Variants in SKP1 observed in about 807,000 individuals in gnomAD.
The protein encoded by SKP1 is S-phase kinase-associated protein 1.
In SKP1, 1 loss-of-function variant was observed where a neutral mutation model predicts 21.5. That is an observed-to-expected ratio of 0.05 (90% CI 0.02 to 0.22). The LOEUF (loss-of-function observed/expected upper bound fraction) is 0.22, where lower values mean the gene tolerates loss of function less well. Ranked by LOEUF, SKP1 falls within the 10% of genes least tolerant of loss-of-function variation. The pLI, the probability that SKP1 is intolerant of heterozygous loss-of-function variation, is 1.00. For synonymous variants in SKP1, 59 were observed against 59.3 expected (o/e 0.99, Z 0.03); for missense variants, 70 against 192.0 (o/e 0.36, Z 3.76).
chr5:134,152,252 TG>T lies in SKP1; in HGVS notation c.*5480del, dbSNP rs1761055214. On this transcript the variant is annotated 3_prime_UTR_variant, in exon 6 of 6. Transcript: ENST00000353411. ...CACTCAAAAATTGCCCTGCCTAATG[TG>T]GGTCTGATGAATAAATGCTGATAAA... 6.6e-6 allele frequency: 1 copy of T among 152,256 alleles called. No individual in the cohort carries two copies. Among genetic ancestry groups the T allele is most frequent in the African/African-American group, 2.4e-5 (1 of 41,430 alleles). 9.4% of individuals were successfully genotyped at this position (152,256 alleles called of 1,614,324 possible).
In SKP1 at chr5:134,154,226, T is replaced by C. The variant is rs1761087493; in HGVS notation, c.*3507A>G. On this transcript the variant is annotated 3_prime_UTR_variant, in exon 6 of 6. Transcript: ENST00000353411. ...ACTTTCGGAGGCTAAGGCGGGCGGATCACAAGGTCAGGAGTTCAAGACCAG... is the reference window on the plus strand; with the variant it reads ...ACTTTCGGAGGCTAAGGCGGGCGGACCACAAGGTCAGGAGTTCAAGACCAG... 6.6e-6 allele frequency: 1 copy of C among 151,872 alleles called. No homozygotes were observed. Among genetic ancestry groups the C allele is most frequent in the East Asian group, 1.9e-4 (1 of 5,184 alleles). The allele number at this position is 151,872 out of a possible 1,614,324, so 9.4% of individuals were successfully genotyped here.
chr5:134,156,423 T>A lies in SKP1; in HGVS notation c.*1310A>T, dbSNP rs527442254. The A allele has an allele frequency of 1.3e-5, 2 of 152,084 alleles. No homozygotes were observed. Among genetic ancestry groups the A allele is most frequent in the Non-Finnish European group, 2.9e-5 (2 of 68,022 alleles). The allele number at this position is 152,084 out of a possible 1,614,324, so 9.4% of individuals were successfully genotyped here. A position where few individuals can be genotyped will look rare whatever the true frequency, so the allele number is the denominator to read the frequency against. On this transcript the variant is annotated 3_prime_UTR_variant, in exon 6 of 6. Coordinates refer to ENST00000353411, the MANE Select transcript of SKP1 (RefSeq NM_170679.3). ...AGACAACATATGGGACTTTATTAAA[T>A]AAGGTGAATTTGGGACAAATGAAAG...
chr5:134,158,175 T>G, intron 5 of SKP1: 1 of 1,389,558 alleles, frequency 7.2e-7, no homozygotes, highest in Non-Finnish European at 9.3e-7. Context: ...ATGTATGGTC[T>G]ATACAGAAAG....
chr5:134,176,838 A>C lies in SKP1; in HGVS notation c.-1+17T>G, dbSNP rs1261927036. The C allele has an allele frequency of 2.6e-5, 4 of 152,726 alleles. No homozygotes were observed. The highest frequency in any genetic ancestry group is 2.9e-5 in the Non-Finnish European group (2 of 68,102). 9.5% of individuals were successfully genotyped at this position (152,726 alleles called of 1,614,324 possible). A position where few individuals can be genotyped will look rare whatever the true frequency, so the allele number is the denominator to read the frequency against. On this transcript the variant is annotated intron_variant, in intron 1 of 5. Transcript: ENST00000353411. ...CGGTAGCCACGACCCTTTCCAGTTCAGTGGGCGGCTACTCACGGTGTTCGG... is the reference window on the plus strand; with the variant it reads ...CGGTAGCCACGACCCTTTCCAGTTCCGTGGGCGGCTACTCACGGTGTTCGG...
chr5:134,167,112 T>G, intron 3 of SKP1, 58 bp downstream of exon 3: 2 of 812,128 alleles, frequency 2.5e-6, no homozygotes, highest in Non-Finnish European at 4.1e-6. Context: ...ATTACTTGTA[T>G]TAATCAATTG....
At position 134,151,724 on chromosome 5, in the gene SKP1, G is replaced by C. The variant is rs774735095; in HGVS notation, c.*6009C>G. ...GATGTGGAAGCAGACACTGTTATGA[G>C]CAACTACATTCCTCCCATAGAATGC... is the stretch of plus-strand genomic sequence containing the variant. On this transcript the variant is annotated 3_prime_UTR_variant, in exon 6 of 6. Coordinates refer to ENST00000353411, the MANE Select transcript of SKP1 (RefSeq NM_170679.3). The C allele has an allele frequency of 2.2e-5, 10 of 456,014 alleles. No homozygotes were observed. Among genetic ancestry groups the C allele is most frequent in the South Asian group, 1.4e-4 (9 of 64,540 alleles). The allele number at this position is 456,014 out of a possible 1,614,324, so 28.2% of individuals were successfully genotyped here.
chr5:134,165,336 C>T (rs934004687), intron 3 of SKP1, among the ~76,000 whole-genome samples: 3 of 152,106 alleles, frequency 2.0e-5, no homozygotes, highest in Non-Finnish European at 2.9e-5. Flanking sequence ...CATGTAAAAA[C>T]ATTCACACTT....
chr5:134,173,562 C>G (rs1490085989), intron 2 of SKP1: 6 of 367,100 alleles, frequency 1.6e-5, no homozygotes, highest in Non-Finnish European at 3.2e-5. Flanking sequence ...ATAAGGTGTT[C>G]TATTCAGCCA....
chr5:134,167,390 G>T, intron 2 of SKP1, 147 bp from the exon 3 acceptor site: 1 of 615,332 alleles, frequency 1.6e-6, no homozygotes, highest in Non-Finnish European at 2.9e-6. Flanking sequence ...AAACATATTG[G>T]GAAAAAAAAT....
At chr5:134,176,435 G>A (rs1176141634) in intron 1 of SKP1, among the ~76,000 whole-genome samples, 3 of 152,032 alleles carry the variant, frequency 2.0e-5, no homozygotes, top group African/African-American at 7.2e-5. Flanking sequence ...ACACGCCCAC[G>A]CTCACGACAG....
At chr5:134,158,123 A>G in intron 5 of SKP1, 1 of 1,379,082 alleles carries the variant, frequency 7.3e-7, no homozygotes, top group Non-Finnish European at 9.4e-7. Flanking sequence ...AAAGTACCCT[A>G]GTATATACTT....
chr5:134,154,745 T>C lies in SKP1; in HGVS notation c.*2988A>G, dbSNP rs1376800544. 1 of 152,222 alleles carries C rather than the reference T, an allele frequency of 6.6e-6. No homozygotes were observed. Among genetic ancestry groups the C allele is most frequent in the Non-Finnish European group, 1.5e-5 (1 of 68,046 alleles). 9.4% of individuals were successfully genotyped at this position (152,222 alleles called of 1,614,324 possible). On this transcript the variant is annotated 3_prime_UTR_variant, in exon 6 of 6. Coordinates refer to ENST00000353411, the MANE Select transcript of SKP1 (RefSeq NM_170679.3). ...CAAATACCTTCTTCCTCTCATTCTC[T>C]TTCCTGGTGAAATAAAAGGCATTTC...
chr5:134,170,173 A>AAAAAT (rs57218893), intron 2 of SKP1, among the ~76,000 whole-genome samples: 12 of 152,142 alleles, frequency 7.9e-5, no homozygotes, highest in East Asian at 3.9e-4. Context: ...TCCATCTCAA[A>AAAAAT]AAAATAAAAT....
chr5:134,151,462 GGTT>G lies in SKP1; in HGVS notation c.*6268_*6270del. The G allele has an allele frequency of 3.4e-6, 1 of 296,884 alleles. No homozygotes were observed. Among genetic ancestry groups the G allele is most frequent in the Admixed American group, 4.1e-5 (1 of 24,324 alleles). The allele number at this position is 296,884 out of a possible 1,614,324, so 18.4% of individuals were successfully genotyped here. A position where few individuals can be genotyped will look rare whatever the true frequency, so the allele number is the denominator to read the frequency against. On this transcript the variant is annotated 3_prime_UTR_variant, in exon 6 of 6. Transcript: ENST00000353411. ...AAAGCAACTGAAGAAGGCAGTTAGA[GGTT>G]GTGAAATGGTACATTCAGGAAAGAA...
intron 3 of SKP1, chr5:134,161,885 AAAATCAATACTG>A (rs1761227063): frequency 6.6e-6 from 1 of 152,224 alleles, no homozygotes; most frequent in Non-Finnish European, 1.5e-5. Flanking sequence ...CATAAAGACC[AAAATCAATACTG>A]AAAGTGTTTT....
rs1761033998 is a variant in SKP1, at chr5:134,150,956, A to G, written c.*6777T>C. ...AAAAGCCTAGCTCAGGTCAGGAAGG[A>G]TTTTCAAGCTCTTAAAGATAGCATG... On this transcript the variant is annotated 3_prime_UTR_variant, in exon 6 of 6. Transcript: ENST00000353411. 1 of 152,188 alleles carries G rather than the reference A, an allele frequency of 6.6e-6. No individual in the cohort carries two copies. Among genetic ancestry groups the G allele is most frequent in the African/African-American group, 2.4e-5 (1 of 41,418 alleles). 9.4% of individuals were successfully genotyped at this position (152,188 alleles called of 1,614,324 possible).
chr5:134,165,813 A>G (rs1761319672), intron 3 of SKP1, among the ~76,000 whole-genome samples: 1 of 149,280 alleles, frequency 6.7e-6, no homozygotes, highest in South Asian at 2.1e-4. Flanking sequence ...TTGAACCTGG[A>G]AAGTGGAGGC....
chr5:134,168,822 T>C (rs570489262), intron 2 of SKP1, among the ~76,000 whole-genome samples: 1 of 152,010 alleles, frequency 6.6e-6, no homozygotes, highest in Admixed American at 6.6e-5. Context: ...AGAGGAACTA[T>C]TTTTAGGAAG....
intron 2 of SKP1, among the ~76,000 whole-genome samples, chr5:134,167,591 C>T (rs1454719138): frequency 1.3e-5 from 2 of 151,660 alleles, no homozygotes; most frequent in Admixed American, 6.6e-5. Context: ...GGCGCCATCT[C>T]GGCTCACTGC....
Sources: allele counts gnomAD v4.1 joint callset (sites outside exome capture counted in the v4.1 genomes callset), GRCh38; gene constraint gnomAD v4.1.1; transcripts MANE v1.5; gene names NCBI Gene and HGNC (gene_info 2026-07-23, HGNC 2026-07-21).